Variants in GALNT10 observed in about 807,000 individuals in gnomAD.
The protein encoded by GALNT10 is GalNAc transferase 10.
In GALNT10, 41 loss-of-function variants were observed where a neutral mutation model predicts 75.0. The observed-to-expected ratio is 0.55, with a 90% CI of 0.43 to 0.71. The LOEUF (loss-of-function observed/expected upper bound fraction) is 0.71. Among genes scored for constraint, GALNT10 ranks in the 30% least tolerant of loss-of-function variants. The probability of loss-of-function intolerance (pLI) is 0.00; values close to 1 mark genes in which losing one functional copy is unlikely to be tolerated. For missense variants in GALNT10, 727 were observed against 818.5 expected, an observed-to-expected ratio of 0.89 and a Z score of 1.36; for synonymous variants, 302 against 313.0, an observed-to-expected ratio of 0.96 and a Z score of 0.37.
At chr5:154,255,988 A>G (rs1214511371) in intron 1 of GALNT10, among the ~76,000 whole-genome samples, 1 of 152,120 alleles carries the variant, frequency 6.6e-6, no homozygotes, top group Admixed American at 6.6e-5. Flanking sequence ...CCAGTGAAGT[A>G]TAACTCTCTT....
At chr5:154,203,001 TAAG>T (rs1775051435) in intron 1 of GALNT10, among the ~76,000 whole-genome samples, 1 of 152,272 alleles carries the variant, frequency 6.6e-6, no homozygotes, top group South Asian at 2.1e-4. Flanking sequence ...TGGGGCACGT[TAAG>T]AAGGCTGCCA....
At chr5:154,230,652 C>G (rs573990302) in intron 1 of GALNT10, among the ~76,000 whole-genome samples, 3 of 152,284 alleles carry the variant, frequency 2.0e-5, no homozygotes, top group African/African-American at 7.2e-5. Context: ...GACTTGTGAG[C>G]CTCTCTTGCA....
At chr5:154,317,732 A>G (rs1754615468) in intron 3 of GALNT10, among the ~76,000 whole-genome samples, 1 of 152,252 alleles carries the variant, frequency 6.6e-6, no homozygotes, top group Non-Finnish European at 1.5e-5. Context: ...CTAGTTGTAA[A>G]TGACAAAAAA....
intron 1 of GALNT10, among the ~76,000 whole-genome samples, chr5:154,218,957 C>T (rs1178188166): frequency 6.6e-6 from 1 of 152,190 alleles, no homozygotes; most frequent in Non-Finnish European, 1.5e-5. Context: ...ATTCTGCACA[C>T]AGCAACCAGA....
intron 10 of GALNT10, among the ~76,000 whole-genome samples, chr5:154,413,518 T>C (rs1756444440): frequency 6.6e-6 from 1 of 152,152 alleles, no homozygotes. Context: ...CCGTCACTTT[T>C]GAGAGGTGAT....
intron 4 of GALNT10, among the ~76,000 whole-genome samples, chr5:154,341,914 C>T (rs1173960728): frequency 6.6e-6 from 1 of 152,160 alleles, no homozygotes; most frequent in Non-Finnish European, 1.5e-5. Flanking sequence ...CCCGTCCTTT[C>T]CCCATCCCAT....
At chr5:154,200,407 G>A (rs1561626307) in intron 1 of GALNT10, among the ~76,000 whole-genome samples, 4 of 152,198 alleles carry the variant, frequency 2.6e-5, no homozygotes, top group Admixed American at 2.0e-4. Context: ...GGAGGGAAGG[G>A]GGTTTCTTCG....
intron 1 of GALNT10, among the ~76,000 whole-genome samples, chr5:154,211,749 C>T (rs1329946405): frequency 6.6e-6 from 1 of 152,142 alleles, no homozygotes; most frequent in East Asian, 1.9e-4. Flanking sequence ...CAAGATGGCT[C>T]ACTCCCTTGG....
chr5:154,215,283 C>A (rs1752847807), intron 1 of GALNT10, among the ~76,000 whole-genome samples: 1 of 152,004 alleles, frequency 6.6e-6, no homozygotes, highest in South Asian at 2.1e-4. Flanking sequence ...GAGATTGAGA[C>A]CATCCTAGCT....
chr5:154,288,408 TTGTGTGTGTGTGTGTGTGTG>T (rs10534031), intron 1 of GALNT10, among the ~76,000 whole-genome samples: 4 of 122,550 alleles, frequency 3.3e-5, no homozygotes, highest in Admixed American at 1.0e-4. Context: ...AAAATTCCAT[TTGTGTGTGTGTGTGTGTGTG>T]TGTGTGTGTG....
At chr5:154,396,910 A>G (rs2882671) in intron 7 of GALNT10, among the ~76,000 whole-genome samples, 67,796 of 151,928 alleles carry the variant, frequency 0.45, 17,629 homozygotes, top group African/African-American at 0.71. Context: ...GTGGATCACT[A>G]GAGGTCAGGA....
intron 3 of GALNT10, among the ~76,000 whole-genome samples, chr5:154,303,636 T>C (rs1399238987): frequency 6.6e-6 from 1 of 152,182 alleles, no homozygotes; most frequent in East Asian, 1.9e-4. Context: ...AGTTTTGCCT[T>C]AGTGGCATCT....
chr5:154,259,645 C>T (rs1391538445), intron 1 of GALNT10, among the ~76,000 whole-genome samples: 1 of 152,106 alleles, frequency 6.6e-6, no homozygotes, highest in Non-Finnish European at 1.5e-5. Context: ...CACCTCCTCC[C>T]CTAAAACAAC....
chr5:154,301,732 G>T (rs1352512105), intron 3 of GALNT10, among the ~76,000 whole-genome samples: 1 of 152,032 alleles, frequency 6.6e-6, no homozygotes, highest in Non-Finnish European at 1.5e-5. Flanking sequence ...AGTCTAATTG[G>T]TTTTCTTTAA....
intron 1 of GALNT10, among the ~76,000 whole-genome samples, chr5:154,264,402 T>C (rs1231583199): frequency 6.6e-6 from 1 of 151,606 alleles, no homozygotes; most frequent in East Asian, 1.9e-4. Context: ...AATGTGATAA[T>C]AGAATTGTGG....
intron 4 of GALNT10, among the ~76,000 whole-genome samples, chr5:154,375,724 C>G (rs1755643745): frequency 6.6e-6 from 1 of 152,184 alleles, no homozygotes; most frequent in Non-Finnish European, 1.5e-5. Context: ...TAGGGCCAAC[C>G]AGCTAGCAAA....
At chr5:154,256,346 TG>T (rs57308657) in intron 1 of GALNT10, among the ~76,000 whole-genome samples, 85,778 of 148,696 alleles carry the variant, frequency 0.58, 26,312 homozygotes, top group East Asian at 0.77. Context: ...CAGAGGCTGT[TG>T]TTTTTGTTTT....
intron 7 of GALNT10, chr5:154,392,944 T>C (rs1363305012): frequency 1.3e-5 from 2 of 149,500 alleles, no homozygotes; most frequent in Non-Finnish European, 3.0e-5. Flanking sequence ...GCTGAAGTGT[T>C]ACTTACCATA....
chr5:154,193,405 G>C (rs1774891175), intron 1 of GALNT10, among the ~76,000 whole-genome samples: 1 of 152,232 alleles, frequency 6.6e-6, no homozygotes. Flanking sequence ...AGCTGGCCTT[G>C]AGGAAAGAGG....
Sources: gnomAD v4.1 joint callset for allele counts (sites outside exome capture counted in the v4.1 genomes callset) on GRCh38, gnomAD v4.1.1 for gene constraint, MANE v1.5 for transcripts, NCBI Gene and HGNC (gene_info 2026-07-23, HGNC 2026-07-21) for gene names.